EFCAB11: variants seen among roughly 807,000 people sequenced by gnomAD.
The protein encoded by EFCAB11 is EF-hand calcium binding domain 11.
Under a neutral mutation model 23.0 loss-of-function variants are expected in EFCAB11, and 14 were observed. The ratio of observed to expected loss-of-function variants is 0.61; its 90% CI spans 0.40 to 0.95. The LOEUF (loss-of-function observed/expected upper bound fraction) is 0.95, where lower values mean the gene tolerates loss of function less well. EFCAB11 is among the 40% of genes least tolerant of loss of function. The probability of loss-of-function intolerance (pLI) is 0.00; values close to 1 mark genes in which losing one functional copy is unlikely to be tolerated. For missense variants in EFCAB11, 198 were observed against 195.8 expected (o/e 1.01, Z -0.07); for synonymous variants, 65 against 66.6 (o/e 0.98, Z 0.11).
chr14:89,906,407 C>T (rs940457253), intron 5 of EFCAB11, among the ~76,000 whole-genome samples: 8 of 151,986 alleles, frequency 5.3e-5, no homozygotes, highest in African/African-American at 1.9e-4. Context: ...TTTCCTATAG[C>T]ATTTGGGTTT....
At chr14:89,906,843 T>C (rs1358119021) in intron 5 of EFCAB11, among the ~76,000 whole-genome samples, 3 of 152,258 alleles carry the variant, frequency 2.0e-5, no homozygotes, top group East Asian at 1.9e-4. Context: ...GTATTTATCA[T>C]GCACATAGTA....
intron 5 of EFCAB11, among the ~76,000 whole-genome samples, chr14:89,859,966 G>A (rs1887871197): frequency 6.6e-6 from 1 of 152,170 alleles, no homozygotes; most frequent in Non-Finnish European, 1.5e-5. Flanking sequence ...AACTCTAGAT[G>A]TTGATCTCCT....
chr14:89,863,319 A>G (rs1021305915), intron 5 of EFCAB11, among the ~76,000 whole-genome samples: 2 of 152,236 alleles, frequency 1.3e-5, no homozygotes, highest in African/African-American at 4.8e-5. Flanking sequence ...TCTACAGGAA[A>G]TATTACACAA....
At chr14:89,875,282 T>A (rs975688175) in intron 5 of EFCAB11, among the ~76,000 whole-genome samples, 7 of 152,216 alleles carry the variant, frequency 4.6e-5, no homozygotes, top group Admixed American at 4.6e-4. Flanking sequence ...AGACTTACTA[T>A]CATGAGAACA....
intron 5 of EFCAB11, among the ~76,000 whole-genome samples, chr14:89,899,862 G>A (rs1889287197): frequency 6.6e-6 from 1 of 152,208 alleles, no homozygotes; most frequent in African/African-American, 2.4e-5. Context: ...CTGGTGCACT[G>A]AGGGTAATAC....
intron 5 of EFCAB11, among the ~76,000 whole-genome samples, chr14:89,880,920 G>A (rs1386218536): frequency 6.6e-6 from 1 of 151,992 alleles, no homozygotes; most frequent in Non-Finnish European, 1.5e-5. Flanking sequence ...AAGTTACTGT[G>A]CTTCTGCATC....
chr14:89,828,145 A>C (rs1886765215), intron 5 of EFCAB11, among the ~76,000 whole-genome samples: 1 of 152,148 alleles, frequency 6.6e-6, no homozygotes, highest in Non-Finnish European at 1.5e-5. Flanking sequence ...TTTTTCATTC[A>C]ACCTGAGATG....
intron 5 of EFCAB11, among the ~76,000 whole-genome samples, chr14:89,861,729 T>A (rs1042739893): frequency 2.0e-5 from 3 of 152,134 alleles, no homozygotes; most frequent in African/African-American, 7.2e-5. Flanking sequence ...CTATTGGCTT[T>A]ATAAAAAGAG....
rs1596471762 is a variant in EFCAB11, at chr14:89,948,018, G to A, written c.217+2079C>T. On this transcript the variant is annotated intron_variant, in intron 3 of 5. Coordinates refer to ENST00000316738, the MANE Select transcript of EFCAB11 (RefSeq NM_145231.4). ...TCCCACCCCACCGCCCCACCCGTCT[G>A]CCATCTTCTCTTTTCAGTAGGTGCC... Among the ~76,000 whole-genome samples, 3 of 147,848 alleles carry A rather than the reference G, an allele frequency of 2.0e-5. 1 individual carries two copies. The highest frequency in any genetic ancestry group is 7.6e-5 in the African/African-American group (3 of 39,658).
intron 5 of EFCAB11, among the ~76,000 whole-genome samples, chr14:89,820,216 T>C (rs1488237608): frequency 6.6e-6 from 1 of 152,152 alleles, no homozygotes; most frequent in Non-Finnish European, 1.5e-5. Context: ...TGCAGAGCTG[T>C]CGATTTTTTT....
At chr14:89,882,046 T>C (rs1267513280) in intron 5 of EFCAB11, among the ~76,000 whole-genome samples, 1 of 152,226 alleles carries the variant, frequency 6.6e-6, no homozygotes, top group Non-Finnish European at 1.5e-5. Context: ...TGTGTGGAGC[T>C]ATACTGGTTT....
At chr14:89,851,718 T>A (rs1050314280) in intron 5 of EFCAB11, among the ~76,000 whole-genome samples, 1 of 152,192 alleles carries the variant, frequency 6.6e-6, no homozygotes, top group Non-Finnish European at 1.5e-5. Context: ...GAAGACTATA[T>A]TCCAAAATGA....
intron 5 of EFCAB11, among the ~76,000 whole-genome samples, chr14:89,840,948 GC>G (rs1386001527): frequency 1.3e-5 from 2 of 152,160 alleles, no homozygotes; most frequent in African/African-American, 4.8e-5. Context: ...TCTAAAATAA[GC>G]TACAGCTCCC....
chr14:89,868,340 G>C (rs1315057352), intron 5 of EFCAB11, among the ~76,000 whole-genome samples: 1 of 152,128 alleles, frequency 6.6e-6, no homozygotes, highest in Non-Finnish European at 1.5e-5. Context: ...TTCAAATTAT[G>C]TATATTTAAA....
At chr14:89,910,873 G>A (rs567971998) in intron 5 of EFCAB11, among the ~76,000 whole-genome samples, 2 of 152,204 alleles carry the variant, frequency 1.3e-5, no homozygotes, top group South Asian at 4.2e-4. Flanking sequence ...GAATTAACAT[G>A]AGCCTAATGA....
chr14:89,929,536 C>A (rs1233655789), intron 5 of EFCAB11, among the ~76,000 whole-genome samples: 3 of 152,114 alleles, frequency 2.0e-5, no homozygotes, highest in Non-Finnish European at 2.9e-5. Context: ...ACAGCGCATG[C>A]CACCATGCCC....
At chr14:89,913,567 C>T (rs905273731) in intron 5 of EFCAB11, among the ~76,000 whole-genome samples, 7 of 152,102 alleles carry the variant, frequency 4.6e-5, no homozygotes, top group African/African-American at 1.4e-4. Context: ...ATCTTTCAAT[C>T]GAATCTAATC....
intron 5 of EFCAB11, among the ~76,000 whole-genome samples, chr14:89,820,013 T>G (rs1886458174): frequency 1.3e-5 from 2 of 152,136 alleles, no homozygotes; most frequent in Non-Finnish European, 1.5e-5. Flanking sequence ...ACCATAAAGC[T>G]TTTCTGTTAT....
At chr14:89,913,005 C>A (rs1008804679) in intron 5 of EFCAB11, among the ~76,000 whole-genome samples, 6 of 152,194 alleles carry the variant, frequency 3.9e-5, no homozygotes, top group Non-Finnish European at 7.3e-5. Flanking sequence ...ACAATGAGGT[C>A]ATTTTTAGTG....
Sources: allele counts gnomAD v4.1 joint callset (sites outside exome capture counted in the v4.1 genomes callset), GRCh38; gene constraint gnomAD v4.1.1; transcripts MANE v1.5; gene names NCBI Gene and HGNC (gene_info 2026-07-23, HGNC 2026-07-21).